The following HORMAD2 variants were observed in gnomAD, a reference collection of about 807,000 sequenced individuals.
HORMAD2 encodes the protein HORMA domain-containing protein 2.
A neutral mutation model predicts 38.8 loss-of-function variants in HORMAD2; 45 were observed. The observed-to-expected ratio is 1.16, with a 90% confidence interval of 0.91 to 1.49. HORMAD2 has a LOEUF of 1.49. Ranked by LOEUF, HORMAD2 falls within the 40% of genes most tolerant of loss-of-function variation. The pLI is 0.00. For missense variants in HORMAD2, 338 were observed against 367.0 expected (o/e 0.92, Z 0.65); for synonymous variants, 126 against 122.8 (o/e 1.03, Z -0.17).
At chr22:30,163,604 T>C (rs960755384) in intron 10 of HORMAD2, among the ~76,000 whole-genome samples, 3 of 152,006 alleles carry the variant, frequency 2.0e-5, no homozygotes, top group African/African-American at 7.2e-5. Context: ...TTTTTTGTAT[T>C]TTTTGTAGAG....
At chr22:30,117,039 A>G (rs1375294546) in intron 7 of HORMAD2, among the ~76,000 whole-genome samples, 1 of 152,198 alleles carries the variant, frequency 6.6e-6, no homozygotes, top group Non-Finnish European at 1.5e-5. Flanking sequence ...ACTTGATTTG[A>G]TTTCTCAAGT....
chr22:30,100,446 A>G (rs1468394675), intron 3 of HORMAD2, among the ~76,000 whole-genome samples: 1 of 152,248 alleles, frequency 6.6e-6, no homozygotes, highest in Non-Finnish European at 1.5e-5. Context: ...AAGATGGATT[A>G]AAGACTTAAA....
the HORMAD2 span, among the ~76,000 whole-genome samples, chr22:30,194,056 A>G: frequency 6.6e-6 from 1 of 152,062 alleles, no homozygotes; most frequent in Non-Finnish European, 1.5e-5. Flanking sequence ...CACTCATCTC[A>G]CTCATCATCA....
intron 10 of HORMAD2, among the ~76,000 whole-genome samples, chr22:30,167,716 G>A (rs1403364954): frequency 2.0e-5 from 3 of 152,086 alleles, no homozygotes; most frequent in Admixed American, 1.3e-4. Context: ...GTCCCAATAG[G>A]CTGTGCCCAA....
At chr22:30,131,622 A>G (rs1168786795) in intron 10 of HORMAD2, among the ~76,000 whole-genome samples, 2 of 152,190 alleles carry the variant, frequency 1.3e-5, no homozygotes, top group African/African-American at 4.8e-5. Flanking sequence ...AGTATTTTTA[A>G]AGTTTATTCA....
At chr22:30,099,615 G>A (rs1920930065) in intron 3 of HORMAD2, among the ~76,000 whole-genome samples, 3 of 152,144 alleles carry the variant, frequency 2.0e-5, no homozygotes. Context: ...AGCCAGGCAT[G>A]GTGGCTCATG....
At chr22:30,161,635 A>G (rs962610721) in intron 10 of HORMAD2, among the ~76,000 whole-genome samples, 11 of 152,350 alleles carry the variant, frequency 7.2e-5, no homozygotes, top group East Asian at 1.9e-4. Context: ...AAAGTAAGAA[A>G]GTAACTGACA....
the HORMAD2 span, among the ~76,000 whole-genome samples, chr22:30,194,384 T>C: frequency 6.6e-6 from 1 of 152,206 alleles, no homozygotes; most frequent in African/African-American, 2.4e-5. Flanking sequence ...GGTGACATGA[T>C]AACTGTCTTC....
intron 10 of HORMAD2, among the ~76,000 whole-genome samples, chr22:30,162,101 C>T (rs1379523900): frequency 6.6e-6 from 1 of 152,026 alleles, no homozygotes; most frequent in Non-Finnish European, 1.5e-5. Flanking sequence ...TAACTTTAGC[C>T]CAGCAGTTTG....
At chr22:30,095,508 CTT>C (rs1385717594) in intron 2 of HORMAD2, among the ~76,000 whole-genome samples, 1 of 152,120 alleles carries the variant, frequency 6.6e-6, no homozygotes, top group Non-Finnish European at 1.5e-5. Flanking sequence ...AAAAGTCAGA[CTT>C]TATCTGCACT....
chr22:30,109,991 C>G (rs192251853), intron 5 of HORMAD2, among the ~76,000 whole-genome samples: 1 of 152,284 alleles, frequency 6.6e-6, no homozygotes, highest in Admixed American at 6.5e-5. Context: ...ATAGTTAGTA[C>G]AGTTGGCCCT....
At chr22:30,091,401 G>T (rs571863867) in intron 1 of HORMAD2, among the ~76,000 whole-genome samples, 1 of 151,396 alleles carries the variant, frequency 6.6e-6, no homozygotes, top group Admixed American at 6.6e-5. Flanking sequence ...AAGTAGCTGG[G>T]ACTATAGGTG....
At chr22:30,114,056 A>G (rs1475425082) in intron 7 of HORMAD2, among the ~76,000 whole-genome samples, 2 of 152,190 alleles carry the variant, frequency 1.3e-5, no homozygotes, top group East Asian at 3.8e-4. Flanking sequence ...TCCTAGTTTG[A>G]AACCAGTGTT....
the HORMAD2 span, among the ~76,000 whole-genome samples, chr22:30,198,083 C>CT: frequency 6.6e-6 from 1 of 152,090 alleles, no homozygotes; most frequent in Admixed American, 6.5e-5. Context: ...ACTCCAGAAG[C>CT]TGAGGCAGGA....
intron 1 of HORMAD2, among the ~76,000 whole-genome samples, chr22:30,085,714 A>C (rs2068558781): frequency 6.6e-6 from 1 of 152,228 alleles, no homozygotes; most frequent in African/African-American, 2.4e-5. Flanking sequence ...ATATTATACC[A>C]CTGCACTTCA....
At chr22:30,149,154 G>A (rs188617066) in intron 10 of HORMAD2, among the ~76,000 whole-genome samples, 35 of 152,254 alleles carry the variant, frequency 2.3e-4, no homozygotes, top group Middle Eastern at 6.8e-3. Context: ...ACAGAGTTGA[G>A]TTGTCATAAG....
the HORMAD2 span, among the ~76,000 whole-genome samples, chr22:30,201,782 C>T: frequency 3.9e-5 from 6 of 152,032 alleles, no homozygotes; most frequent in South Asian, 2.1e-4. Context: ...TTGTCTCTGA[C>T]GAGGCTACAT....
chr22:30,103,458 G>A lies in HORMAD2; in HGVS notation c.215G>A (p.Arg72Gln), dbSNP rs765688216. The A allele has an allele frequency of 4.9e-5, 76 of 1,540,278 alleles. No homozygotes were observed. The highest frequency in any genetic ancestry group is 4.0e-4 in the African/African-American group (29 of 72,644). The change falls in exon 4 of 11, where the codon CGA (arginine) becomes CAA (glutamine). Residue 72 changes from arginine (R) to glutamine (Q), a missense_variant. By Grantham distance (43) the Arg-to-Gln change is conservative. Coordinates refer to ENST00000336726, the MANE Select transcript of HORMAD2 (RefSeq NM_152510.4). ...HLDDLSLKILREDKKCPGSLH... is the reference protein window; with the variant it reads ...HLDDLSLKILQEDKKCPGSLH... Reference sequence around the variant, plus strand: ...GTAGACCTCAGTTTAAAAATCCTCCGAGAAGATAAAAAATGTCCCGGGTCA... The same window carrying A: ...GTAGACCTCAGTTTAAAAATCCTCCAAGAAGATAAAAAATGTCCCGGGTCA...
At chr22:30,194,219 G>C in the HORMAD2 span, among the ~76,000 whole-genome samples, 1 of 152,182 alleles carries the variant, frequency 6.6e-6, no homozygotes, top group Non-Finnish European at 1.5e-5. Context: ...GTTGCATTTA[G>C]TCCAAAGGTT....
Sources: allele counts gnomAD v4.1 joint callset (sites outside exome capture counted in the v4.1 genomes callset), GRCh38; gene constraint gnomAD v4.1.1; transcripts MANE v1.5; gene names NCBI Gene and HGNC (gene_info 2026-07-23, HGNC 2026-07-21).